The following AMPH variants were observed in gnomAD, a reference collection of about 807,000 sequenced individuals.
The protein encoded by AMPH is amphiphysin, also known as amphiphysin (Stiff-Mann syndrome with breast cancer 128kD autoantigen).
Under a neutral mutation model 99.1 loss-of-function variants are expected in AMPH, and 49 were observed. That is an observed-to-expected ratio of 0.49 (90% CI 0.39 to 0.63). The LOEUF (loss-of-function observed/expected upper bound fraction) is 0.63, where lower values mean the gene tolerates loss of function less well. Ranked by LOEUF, AMPH falls within the 20% of genes least tolerant of loss-of-function variation. AMPH has a pLI of 0.00. For missense variants in AMPH, 759 were observed against 863.4 expected (o/e 0.88, Z 1.52); for synonymous variants, 314 against 317.3 (o/e 0.99, Z 0.11).
At chr7:38,630,241 T>C (rs1027214403) in intron 1 of AMPH, among the ~76,000 whole-genome samples, 1 of 152,154 alleles carries the variant, frequency 6.6e-6, no homozygotes, top group African/African-American at 2.4e-5. Context: ...CATTAGCCGG[T>C]GTTGATTTTC....
intron 17 of AMPH, among the ~76,000 whole-genome samples, chr7:38,400,303 C>T (rs560599489): frequency 6.6e-6 from 1 of 152,312 alleles, no homozygotes; most frequent in African/African-American, 2.4e-5. Flanking sequence ...GTCTTGAATT[C>T]CTGACCTCAG....
At chr7:38,401,948 A>G (rs899975473) in intron 17 of AMPH, among the ~76,000 whole-genome samples, 6 of 151,938 alleles carry the variant, frequency 3.9e-5, no homozygotes, top group African/African-American at 1.5e-4. Context: ...CATGAGCTGT[A>G]TCTTCACTCC....
chr7:38,561,925 A>C (rs74731961), intron 1 of AMPH, among the ~76,000 whole-genome samples: 1 of 97,276 alleles, frequency 1.0e-5, no homozygotes, highest in Non-Finnish European at 2.3e-5. Flanking sequence ...GACTTGTAAG[A>C]AAAAAAAAAA....
chr7:38,465,620 A>T, intron 8 of AMPH, 71 bp from the exon 9 acceptor site: 1 of 1,361,676 alleles, frequency 7.3e-7, no homozygotes, highest in Non-Finnish European at 1.0e-6. Flanking sequence ...ATTCTCCCCA[A>T]GAAAGAAATT....
intron 20 of AMPH, among the ~76,000 whole-genome samples, chr7:38,387,669 G>GA (rs1169963828): frequency 6.7e-6 from 1 of 149,892 alleles, no homozygotes; most frequent in Admixed American, 6.6e-5. Context: ...TAGAAACCCA[G>GA]AAAAAAAGAA....
chr7:38,395,331 C>A (rs1384900098), intron 17 of AMPH, among the ~76,000 whole-genome samples: 1 of 151,936 alleles, frequency 6.6e-6, no homozygotes, highest in Admixed American at 6.6e-5. Flanking sequence ...AGCTGTAGAG[C>A]CTGTTATAGG....
intron 17 of AMPH, among the ~76,000 whole-genome samples, chr7:38,394,452 C>A (rs1261201930): frequency 6.6e-6 from 1 of 152,206 alleles, no homozygotes; most frequent in African/African-American, 2.4e-5. Flanking sequence ...TCAGGTGTAG[C>A]AAATGGGATT....
intron 11 of AMPH, among the ~76,000 whole-genome samples, chr7:38,448,586 C>T (rs1786881604): frequency 6.6e-6 from 1 of 152,212 alleles, no homozygotes; most frequent in South Asian, 2.1e-4. Context: ...AATATAGTCT[C>T]TCGCTCGCTT....
At chr7:38,625,188 G>A (rs541869296) in intron 1 of AMPH, among the ~76,000 whole-genome samples, 1 of 152,218 alleles carries the variant, frequency 6.6e-6, no homozygotes, top group East Asian at 1.9e-4. Flanking sequence ...AGAAGACCCA[G>A]GATGACATGT....
chr7:38,440,851 G>A (rs563963053), intron 11 of AMPH, among the ~76,000 whole-genome samples: 22 of 152,060 alleles, frequency 1.4e-4, no homozygotes, highest in African/African-American at 5.3e-4. Context: ...AGCAGAAATG[G>A]AAGGGTTAAA....
chr7:38,522,733 A>G (rs1043163706), intron 2 of AMPH, among the ~76,000 whole-genome samples: 2 of 152,148 alleles, frequency 1.3e-5, no homozygotes, highest in Non-Finnish European at 2.9e-5. Flanking sequence ...TACATAAGGG[A>G]GACTGCACAA....
At position 38,558,595 on chromosome 7, in the gene AMPH, G is replaced by C. The variant is rs142688921; in HGVS notation, c.70-23584C>G. Reference sequence around the variant, plus strand: ...GAATAATGATGGGAAGGAGGGAGGAGGTGGTTAGTAAACACCTGGTTAAGA... The same window carrying C: ...GAATAATGATGGGAAGGAGGGAGGACGTGGTTAGTAAACACCTGGTTAAGA... On this transcript the variant is annotated intron_variant, in intron 1 of 20. Coordinates refer to ENST00000356264, the MANE Select transcript of AMPH (RefSeq NM_001635.4). Among the ~76,000 whole-genome samples, 456 of 152,300 alleles carry C rather than the reference G, an allele frequency of 3.0e-3. 3 individuals carry two copies. The highest frequency in any genetic ancestry group is 0.01 in the African/African-American group (427 of 41,552).
At chr7:38,609,470 T>C (rs10226563) in intron 1 of AMPH, among the ~76,000 whole-genome samples, 12,170 of 152,142 alleles carry the variant, frequency 0.08, 805 homozygotes, top group African/African-American at 0.17. Context: ...TCAGAAACTG[T>C]TGGCACACTG....
In AMPH at chr7:38,569,747, T is replaced by C. The variant is rs114188087; in HGVS notation, c.70-34736A>G. Among the ~76,000 whole-genome samples the C allele has an allele frequency of 2.8e-3, 421 of 152,122 alleles. 1 individual carries two copies. Among genetic ancestry groups the C allele is most frequent in the African/African-American group, 9.5e-3 (395 of 41,514 alleles). On this transcript the variant is annotated intron_variant, in intron 1 of 20. Coordinates refer to ENST00000356264, the MANE Select transcript of AMPH (RefSeq NM_001635.4). Reference sequence around the variant, plus strand: ...TAAACAGAGTAATCCGTGTGAGAGGTTGGTTATGAGTACCATTTTGATTAG... The same window carrying C: ...TAAACAGAGTAATCCGTGTGAGAGGCTGGTTATGAGTACCATTTTGATTAG...
At chr7:38,446,529 C>T (rs58483691) in intron 11 of AMPH, among the ~76,000 whole-genome samples, 8,638 of 152,202 alleles carry the variant, frequency 0.057, 638 homozygotes, top group East Asian at 0.35. Context: ...CTTTCTGATA[C>T]TATATGATTC....
chr7:38,542,346 G>A (rs192733158), intron 1 of AMPH, among the ~76,000 whole-genome samples: 114 of 152,294 alleles, frequency 7.5e-4, no homozygotes, highest in African/African-American at 2.7e-3. Context: ...TTCACAAACA[G>A]AGCACTGTCT....
chr7:38,575,955 C>G (rs1584264899), intron 1 of AMPH, among the ~76,000 whole-genome samples: 1 of 152,314 alleles, frequency 6.6e-6, no homozygotes, highest in East Asian at 1.9e-4. Context: ...CTGGAACTTC[C>G]TCCACCACTG....
chr7:38,431,522 G>A lies in AMPH; in HGVS notation c.1158+667C>T, dbSNP rs1277301583. 6.6e-5 allele frequency among the ~76,000 whole-genome samples: 10 copies of A among 152,114 alleles called. No homozygotes were observed. In the East Asian group the frequency reaches 1.9e-3, roughly 29 times the overall value. On this transcript the variant is annotated intron_variant, in intron 13 of 20. Coordinates refer to ENST00000356264, the MANE Select transcript of AMPH (RefSeq NM_001635.4). The stretch of plus-strand genomic sequence containing the variant: ...AATACAAAAATTAGTTGGGCGCGGT[G>A]GCGGGTGCCTGTAGTCCCAGCTACT...
intron 2 of AMPH, among the ~76,000 whole-genome samples, chr7:38,532,106 T>A (rs1790423046): frequency 6.6e-6 from 1 of 152,108 alleles, no homozygotes; most frequent in Admixed American, 6.5e-5. Flanking sequence ...ATTAATAAAA[T>A]CAGTCTTCAG....
Sources: gnomAD v4.1 joint callset for allele counts (sites outside exome capture counted in the v4.1 genomes callset) on GRCh38, gnomAD v4.1.1 for gene constraint, MANE v1.5 for transcripts, NCBI Gene and HGNC (gene_info 2026-07-23, HGNC 2026-07-21) for gene names.